Variants in PLEKHG3 observed in about 807,000 individuals in gnomAD.
The protein encoded by PLEKHG3 is pleckstrin homology and RhoGEF domain containing G3.
Under a neutral mutation model 94.9 loss-of-function variants are expected in PLEKHG3, and 62 were observed. The ratio of observed to expected loss-of-function variants is 0.65; its 90% CI spans 0.53 to 0.81. The LOEUF (loss-of-function observed/expected upper bound fraction) is 0.81, where lower values mean the gene tolerates loss of function less well. Ranked by LOEUF, PLEKHG3 falls within the 30% of genes least tolerant of loss-of-function variation. The pLI is 0.00. For synonymous variants in PLEKHG3, 614 were observed against 654.0 expected (o/e 0.94, Z 0.93); for missense variants, 1,461 against 1,619.3 (o/e 0.90, Z 1.68).
rs2081154702 is a variant in PLEKHG3, at chr14:64,716,468, C to CACACACACACA, written c.-39-11124_-39-11114dup. ...CACACACACACACACACACACACAACACACACACACACAACACACACACAC... is the reference window on the plus strand; with the variant it reads ...CACACACACACACACACACACACAACACACACACACAACACACACACACAACACACACACAC... On this transcript the variant is annotated intron_variant, in intron 1 of 16. Coordinates refer to ENST00000247226, the MANE Select transcript of PLEKHG3 (RefSeq NM_001308147.2). This position sits in a 1 kb window ranked among gnomAD's most constrained non-coding sequence, Gnocchi z 5.0. Among the ~76,000 whole-genome samples, 1 of 92,632 alleles carries CACACACACACA rather than the reference C, an allele frequency of 1.1e-5. No individual in the cohort carries two copies. Among genetic ancestry groups the CACACACACACA allele is most frequent in the African/African-American group, 4.1e-5 (1 of 24,446 alleles). The allele number at this position is 92,632 out of a possible 152,430, so 60.8% of individuals were successfully genotyped here.
Position 64,716,507 on chromosome 14 carries a change from ACAC to A in PLEKHG3, c.-39-11085_-39-11083del, listed in dbSNP as rs2081162954. Among the ~76,000 whole-genome samples the A allele has an allele frequency of 7.8e-6, 1 of 128,852 alleles. No individual in the cohort carries two copies. Among genetic ancestry groups the A allele is most frequent in the Non-Finnish European group, 1.7e-5 (1 of 60,198 alleles). The allele number at this position is 128,852 out of a possible 152,430, so 84.5% of individuals were successfully genotyped here. ...ACACACACACACACAACACACACACACACACACACACACACACACACACACACA... is the reference window on the plus strand; with the variant it reads ...ACACACACACACACAACACACACACAACACACACACACACACACACACACA... On this transcript the variant is annotated intron_variant, in intron 1 of 16. Coordinates refer to ENST00000247226, the MANE Select transcript of PLEKHG3 (RefSeq NM_001308147.2). The surrounding 1 kb of genome is among the most constrained non-coding windows in gnomAD (Gnocchi z 5.0).
chr14:64,746,575 C>G lies in PLEKHG3; in HGVS notation c.*2872C>G, dbSNP rs2081844372. On this transcript the variant is annotated 3_prime_UTR_variant, in exon 17 of 17. Transcript: ENST00000247226. This position sits in a 1 kb window ranked among gnomAD's most constrained non-coding sequence, Gnocchi z 4.9. Reference sequence around the variant, plus strand: ...GGATTCAGGGTCAGCCTAGGGGACCCTGGCTCCCTCCGATAGGCAGGAAGG... The same window carrying G: ...GGATTCAGGGTCAGCCTAGGGGACCGTGGCTCCCTCCGATAGGCAGGAAGG... The G allele has an allele frequency of 6.6e-6, 1 of 152,468 alleles. No homozygotes were observed. Among genetic ancestry groups the G allele is most frequent in the Non-Finnish European group, 1.5e-5 (1 of 68,038 alleles). 9.4% of individuals were successfully genotyped at this position (152,468 alleles called of 1,614,324 possible).
Position 64,741,910 on chromosome 14 carries a change from G to A in PLEKHG3, c.2393G>A (p.Gly798Glu), listed in dbSNP as rs1390849450. The change falls in exon 16 of 17, where the codon GGG becomes GAG. Residue 798 changes from glycine (G) to glutamate (E), a missense_variant. Transcript: ENST00000247226. Reference protein sequence around the residue: ...ELPGPSQAVKGDPPPISDAEF... With the variant: ...ELPGPSQAVKEDPPPISDAEF... ...CCAGGACCAAGCCAGGCAGTCAAAGGGGACCCACCTCCCATCTCAGATGCT... is the reference window on the plus strand; with the variant it reads ...CCAGGACCAAGCCAGGCAGTCAAAGAGGACCCACCTCCCATCTCAGATGCT... 1.3e-6 allele frequency: 2 copies of A among 1,596,076 alleles called. No individual in the cohort carries two copies. The highest frequency in any genetic ancestry group is 1.1e-5 in the South Asian group (1 of 88,670).
rs992389900 is a variant in PLEKHG3 at position 64,725,056 on chromosome 14, A to C, written c.-39-2537A>C. On this transcript the variant is annotated intron_variant, in intron 1 of 16. Coordinates refer to ENST00000247226, the MANE Select transcript of PLEKHG3 (RefSeq NM_001308147.2). This position sits in a 1 kb window ranked among gnomAD's most constrained non-coding sequence, Gnocchi z 5.0. Reference sequence around the variant, plus strand: ...GGTAGCCTATGATCAATCAGAGAGAAAACTTCTGTAAGTAGAAAAGACATA... The same window carrying C: ...GGTAGCCTATGATCAATCAGAGAGACAACTTCTGTAAGTAGAAAAGACATA... Among the ~76,000 whole-genome samples, 2 of 152,220 alleles carry C rather than the reference A, an allele frequency of 1.3e-5. No individual in the cohort carries two copies. The highest frequency in any genetic ancestry group is 1.3e-4 in the Admixed American group (2 of 15,282).
At chr14:64,724,647 C>T (rs1196935930) in intron 1 of PLEKHG3, among the ~76,000 whole-genome samples, 2 of 152,238 alleles carry the variant, frequency 1.3e-5, no homozygotes, top group Non-Finnish European at 2.9e-5. Flanking sequence ...CTCAGTCCTT[C>T]CGAGTGTCAT....
chr14:64,742,414 C>T lies in PLEKHG3; in HGVS notation c.2897C>T (p.Pro966Leu), dbSNP rs756777013. The change falls in exon 16 of 17, where the codon CCC (proline) becomes CTC (leucine). Residue 966 changes from proline (P) to leucine (L), a missense_variant. Around this residue, in one of 3 missense-constraint regions of PLEKHG3, gnomAD observed 1,201 missense variants for 1,295.5 expected, o/e 0.93. Coordinates refer to ENST00000247226, the MANE Select transcript of PLEKHG3 (RefSeq NM_001308147.2). ...PERDGKSPTV[P>L]CLQEEAGEPL... ...AGGGATGGGAAGAGCCCCACTGTGC[C>T]CTGTCTACAGGAAGAGGCTGGAGAG... 6.2e-7 allele frequency: 1 copy of T among 1,612,456 alleles called. No individual in the cohort carries two copies. Among genetic ancestry groups the T allele is most frequent in the Admixed American group, 1.7e-5 (1 of 60,022 alleles).
intron 3 of PLEKHG3, 89 bp downstream of exon 3, chr14:64,729,182 T>C (rs545331862): frequency 1.3e-5 from 8 of 617,370 alleles, no homozygotes; most frequent in Non-Finnish European, 2.3e-5. Flanking sequence ...CCTGGTCTCA[T>C]GGGCCTGTGA....
At position 64,716,049 on chromosome 14, in the gene PLEKHG3, G is replaced by C. The variant is rs763808279; in HGVS notation, c.-40+11345G>C. 2.6e-5 allele frequency: 12 copies of C among 456,198 alleles called. No homozygotes were observed. Among genetic ancestry groups the C allele is most frequent in the South Asian group, 1.9e-4 (12 of 64,550 alleles). 28.3% of individuals were successfully genotyped at this position (456,198 alleles called of 1,614,324 possible). On this transcript the variant is annotated intron_variant, in intron 1 of 16. Transcript: ENST00000247226. The surrounding 1 kb of genome is among the most constrained non-coding windows in gnomAD (Gnocchi z 5.0). ...GGACAATGCGGCTGCCCGGCCCCTC[G>C]CCACCCTCGTGGTGCCCGGATGGGA...
In PLEKHG3 at chr14:64,747,115, C is replaced by T. The variant is rs1237835259; in HGVS notation, c.*3412C>T. The stretch of plus-strand genomic sequence containing the variant: ...GACCTGGGGTGGTGAGATGCTAGCT[C>T]TTCCACTAGAGCCCTTCCTTTCTCG... On this transcript the variant is annotated 3_prime_UTR_variant, in exon 17 of 17. Coordinates refer to ENST00000247226, the MANE Select transcript of PLEKHG3 (RefSeq NM_001308147.2). The T allele has an allele frequency of 1.3e-5, 2 of 152,552 alleles. No individual in the cohort carries two copies. The highest frequency in any genetic ancestry group is 3.9e-4 in the East Asian group (2 of 5,178). 9.4% of individuals were successfully genotyped at this position (152,552 alleles called of 1,614,324 possible).
At position 64,730,174 on chromosome 14, in the gene PLEKHG3, G is replaced by A; in HGVS notation, c.450-69G>A. 1.2e-6 allele frequency: 1 copy of A among 839,388 alleles called. No homozygotes were observed. 52.0% of individuals were successfully genotyped at this position (839,388 alleles called of 1,614,324 possible). ...CTGTCAGTCAGGGTTTGGGAGGTTGGGGAGGGGGCAGTGAGGGGCATTGTC... is the reference window on the plus strand; with the variant it reads ...CTGTCAGTCAGGGTTTGGGAGGTTGAGGAGGGGGCAGTGAGGGGCATTGTC... On this transcript the variant is annotated intron_variant, in intron 3 of 16. Transcript: ENST00000247226. This position sits in a 1 kb window ranked among gnomAD's most constrained non-coding sequence, Gnocchi z 5.4.
chr14:64,748,238 C>G lies in PLEKHG3; in HGVS notation c.*4535C>G, dbSNP rs1381163111. 1 of 149,772 alleles carries G rather than the reference C, an allele frequency of 6.7e-6. No individual in the cohort carries two copies. Among genetic ancestry groups the G allele is most frequent in the Non-Finnish European group, 1.5e-5 (1 of 68,012 alleles). The allele number at this position is 149,772 out of a possible 1,614,324, so 9.3% of individuals were successfully genotyped here. A position where few individuals can be genotyped will look rare whatever the true frequency, so the allele number is the denominator to read the frequency against. The stretch of plus-strand genomic sequence containing the variant: ...CTTTACTGTCTGCCCAGCCATTACC[C>G]TCCAAAGTCCCAGCTGCAGACAGGA... On this transcript the variant is annotated 3_prime_UTR_variant, in exon 17 of 17. Coordinates refer to ENST00000247226, the MANE Select transcript of PLEKHG3 (RefSeq NM_001308147.2).
chr14:64,732,011 C>A lies in PLEKHG3; in HGVS notation c.1126-84C>A. The A allele has an allele frequency of 9.3e-7, 1 of 1,079,224 alleles. No individual in the cohort carries two copies. Among genetic ancestry groups the A allele is most frequent in the Non-Finnish European group, 1.4e-6 (1 of 698,196 alleles). The allele number at this position is 1,079,224 out of a possible 1,614,324, so 66.9% of individuals were successfully genotyped here. A position where few individuals can be genotyped will look rare whatever the true frequency, so the allele number is the denominator to read the frequency against. ...GCCCCAGCATGGCCCCACTTTTTCT[C>A]CCTGGGTGGAAGCACTGTCCATGCT... On this transcript the variant is annotated intron_variant, in intron 9 of 16. Coordinates refer to ENST00000247226, the MANE Select transcript of PLEKHG3 (RefSeq NM_001308147.2). This position sits in a 1 kb window ranked among gnomAD's most constrained non-coding sequence, Gnocchi z 4.9.
chr14:64,714,704 G>A (rs2081110664), intron 1 of PLEKHG3, among the ~76,000 whole-genome samples: 1 of 152,202 alleles, frequency 6.6e-6, no homozygotes, highest in South Asian at 2.1e-4. Flanking sequence ...GGCTGGGTAT[G>A]ACCAGGCAGC....
At chr14:64,710,718 T>G (rs914170415) in intron 1 of PLEKHG3, among the ~76,000 whole-genome samples, 2 of 150,716 alleles carry the variant, frequency 1.3e-5, no homozygotes, top group Non-Finnish European at 3.0e-5. Flanking sequence ...GAAACAAGCA[T>G]AGAGGGGGAA....
At chr14:64,708,898 G>A (rs1350821696) in intron 1 of PLEKHG3, among the ~76,000 whole-genome samples, 4 of 150,872 alleles carry the variant, frequency 2.7e-5, no homozygotes, top group African/African-American at 7.3e-5. Flanking sequence ...ACTGCCAGTT[G>A]GTGCCTGGAG....
In PLEKHG3 at chr14:64,747,692, TCA is replaced by T. The variant is rs1406965646; in HGVS notation, c.*3990_*3991del. 6.6e-6 allele frequency: 1 copy of T among 152,210 alleles called. No homozygotes were observed. The allele number at this position is 152,210 out of a possible 1,614,324, so 9.4% of individuals were successfully genotyped here. A position where few individuals can be genotyped will look rare whatever the true frequency, so the allele number is the denominator to read the frequency against. On this transcript the variant is annotated 3_prime_UTR_variant, in exon 17 of 17. Coordinates refer to ENST00000247226, the MANE Select transcript of PLEKHG3 (RefSeq NM_001308147.2). Reference sequence around the variant, plus strand: ...GGCTTCTACCTGAACCTCACCCACTTCATCTCCATGGAACTAAGGTCCTTCTC... The same window carrying T: ...GGCTTCTACCTGAACCTCACCCACTTTCTCCATGGAACTAAGGTCCTTCTC...
chr14:64,749,254 G>C lies in PLEKHG3; in HGVS notation c.*5551G>C. 1 of 1,536,420 alleles carries C rather than the reference G, an allele frequency of 6.5e-7. No homozygotes were observed. Among genetic ancestry groups the C allele is most frequent in the Admixed American group, 2.0e-5 (1 of 51,248 alleles). On this transcript the variant is annotated 3_prime_UTR_variant, in exon 17 of 17. Transcript: ENST00000247226. This position sits in a 1 kb window ranked among gnomAD's most constrained non-coding sequence, Gnocchi z 4.7. ...GCGGCGAGAGGAGGCCAAGGCCTGG[G>C]CTGCCCGGTCTCTGCGCGTCCCGAC...
Position 64,734,868 on chromosome 14 carries a change from G to A in PLEKHG3, c.1345+1967G>A, listed in dbSNP as rs536277968. 9.9e-5 allele frequency among the ~76,000 whole-genome samples: 15 copies of A among 151,800 alleles called. No individual in the cohort carries two copies. The South Asian group carries it at 1.2e-3, about 13-fold the overall frequency. ...CCCGAGTAGCTGGGATTACAGGCAC[G>A]CGTCACCACGCCCAGCTAGTTTTTT... On this transcript the variant is annotated intron_variant, in intron 12 of 16. Coordinates refer to ENST00000247226, the MANE Select transcript of PLEKHG3 (RefSeq NM_001308147.2).
rs571911994 is a variant in PLEKHG3 at position 64,722,886 on chromosome 14, G to A, written c.-39-4707G>A. Among the ~76,000 whole-genome samples the A allele has an allele frequency of 2.6e-5, 4 of 152,324 alleles. No homozygotes were observed. Among genetic ancestry groups the A allele is most frequent in the African/African-American group, 4.8e-5 (2 of 41,576 alleles). On this transcript the variant is annotated intron_variant, in intron 1 of 16. Transcript: ENST00000247226. This position sits in a 1 kb window ranked among gnomAD's most constrained non-coding sequence, Gnocchi z 4.3. ...GACACAGAGTTCCAGAAGGCTCCCC[G>A]TAATCCTGTGGGATAGGGGAGGAGC...
Sources: allele counts gnomAD v4.1 joint callset (sites outside exome capture counted in the v4.1 genomes callset), GRCh38; gene constraint gnomAD v4.1.1; regional missense constraint gnomAD v4.1.1; non-coding constraint Gnocchi (gnomAD v3.1); transcripts MANE v1.5; gene names NCBI Gene and HGNC (gene_info 2026-07-23, HGNC 2026-07-21).